The following AFF2 variants were observed in gnomAD, a reference collection of about 807,000 sequenced individuals.
AFF2 encodes the protein AF4/FMR2 family member 2.
Under a neutral mutation model 76.9 loss-of-function variants are expected in AFF2, and 14 were observed. The ratio of observed to expected loss-of-function variants is 0.18; its 90% CI spans 0.12 to 0.28. The LOEUF (loss-of-function observed/expected upper bound fraction) is 0.28. Ranked by LOEUF, AFF2 falls within the 10% of genes least tolerant of loss-of-function variation. The probability of loss-of-function intolerance (pLI) is 1.00; values close to 1 mark genes in which losing one functional copy is unlikely to be tolerated. For missense variants in AFF2, 868 were observed against 1,001.1 expected, an observed-to-expected ratio of 0.87 and a Z score of 1.79; for synonymous variants, 398 against 366.7, an observed-to-expected ratio of 1.09 and a Z score of -0.98.
chrX:148,784,843 A>G (rs1414891529), intron 3 of AFF2, among the ~76,000 whole-genome samples: 1 of 111,351 alleles, frequency 9.0e-6, no homozygotes, highest in Non-Finnish European at 1.9e-5. Flanking sequence ...GACTAATTAC[A>G]CATGCAGAAG....
In AFF2 at chrX:148,662,021, A is replaced by G. The variant is rs370409032; in HGVS notation, c.294A>G (p.Pro98=). 3.8e-4 allele frequency: 463 copies of G among 1,209,078 alleles called. 1 individual carries two copies. The highest frequency in any genetic ancestry group is 4.8e-4 in the Non-Finnish European group (428 of 894,351). Residue 98 remains proline (P), a synonymous_variant, in exon 3 of 21, where the codon CCA becomes CCG. Coordinates refer to ENST00000370460, the MANE Select transcript of AFF2 (RefSeq NM_002025.4). ...HSNQNHLVGI[P]KNSVPQNPNN... ...ATCAGAATCACCTAGTGGGAATTCC[A>G]AAGAATTCTGTGCCCCAGAATCCCA...
intron 16 of AFF2, among the ~76,000 whole-genome samples, chrX:148,976,431 A>G (rs902731798): frequency 9.0e-6 from 1 of 111,615 alleles, no homozygotes; most frequent in East Asian, 2.8e-4. Flanking sequence ...CTTTTTTTAT[A>G]CTTTCTGTAA....
In AFF2 at chrX:148,676,980, G is replaced by T. The variant is rs1225885619; in HGVS notation, c.1041+14212G>T. On this transcript the variant is annotated intron_variant, in intron 3 of 20. Coordinates refer to ENST00000370460, the MANE Select transcript of AFF2 (RefSeq NM_002025.4). ...ACAGGATGATTGGCAGGGGAGTTGG[G>T]GGAAGGGAGTAACATGTTAGGGCTG... 1.9e-4 allele frequency among the ~76,000 whole-genome samples: 21 copies of T among 110,980 alleles called. No homozygotes were observed. The Admixed American group carries it at 2.0e-3, about 11-fold the overall frequency.
chrX:148,573,535 G>T (rs1197725363), intron 1 of AFF2, among the ~76,000 whole-genome samples: 2 of 111,028 alleles, frequency 1.8e-5, no homozygotes, highest in African/African-American at 3.3e-5. Context: ...GAATCACATG[G>T]AAAGCACCTT....
intron 3 of AFF2, among the ~76,000 whole-genome samples, chrX:148,795,955 A>G (rs1210034528): frequency 1.1e-5 from 1 of 95,039 alleles, no homozygotes; most frequent in African/African-American, 3.8e-5. Context: ...CTCAGCCTAG[A>G]GCTTTTCAGG....
At chrX:148,774,143 A>C (rs782009285) in intron 3 of AFF2, among the ~76,000 whole-genome samples, 5 of 112,124 alleles carry the variant, frequency 4.5e-5, no homozygotes, top group Non-Finnish European at 9.4e-5. Context: ...ATTAGTTTAC[A>C]TGCCAACTTT....
intron 13 of AFF2, among the ~76,000 whole-genome samples, chrX:148,966,291 A>G (rs1292916331): frequency 9.0e-6 from 1 of 111,661 alleles, no homozygotes; most frequent in Non-Finnish European, 1.9e-5. Flanking sequence ...GCTGGACTGT[A>G]TCTGGTATTT....
intron 7 of AFF2, among the ~76,000 whole-genome samples, chrX:148,876,204 G>A (rs1557277861): frequency 1.8e-5 from 2 of 111,631 alleles, no homozygotes; most frequent in African/African-American, 6.5e-5. Flanking sequence ...ACGTGCTAGG[G>A]GTTTGAAGTG....
chrX:148,590,682 A>C (rs1557246514), intron 1 of AFF2, among the ~76,000 whole-genome samples: 2 of 112,084 alleles, frequency 1.8e-5, no homozygotes, highest in Non-Finnish European at 3.8e-5. Context: ...CCCAAGAATC[A>C]TGAGGATAAG....
In AFF2 at chrX:148,652,045, C is replaced by T. The variant is rs143135907; in HGVS notation, c.94C>T (p.Arg32Trp). Reference sequence around the variant, plus strand: ...TGCACTTAAAAAAAGGGAATGGGAGCGGAGGAATCAAGAAGTCCAGCAAGA... The same window carrying T: ...TGCACTTAAAAAAAGGGAATGGGAGTGGAGGAATCAAGAAGTCCAGCAAGA... ...RSALKKREWE[R>W]RNQEVQQEDD... The change falls in exon 2 of 21, where the codon CGG becomes TGG. Residue 32 changes from arginine (R) to tryptophan (W), a missense_variant. Around this residue, in one of 6 missense-constraint regions of AFF2, gnomAD observed 196 missense variants for 194.8 expected, o/e 1.01. Transcript: ENST00000370460. 200 of 1,201,606 alleles carry T rather than the reference C, an allele frequency of 1.7e-4. No individual in the cohort carries two copies. Among genetic ancestry groups the T allele is most frequent in the South Asian group, 6.8e-4 (38 of 56,217 alleles).
chrX:148,704,118 T>G (rs2054836395), intron 3 of AFF2, among the ~76,000 whole-genome samples: 1 of 101,072 alleles, frequency 9.9e-6, no homozygotes, highest in Admixed American at 1.2e-4. Flanking sequence ...ATATATATAT[T>G]TATATATGCC....
At chrX:148,878,203 G>T (rs1278323691) in intron 7 of AFF2, among the ~76,000 whole-genome samples, 1 of 111,939 alleles carries the variant, frequency 8.9e-6, no homozygotes, top group African/African-American at 3.2e-5. Context: ...TCAAAATGAA[G>T]AGACATTTGA....
At chrX:148,627,477 A>T (rs782331649) in intron 1 of AFF2, among the ~76,000 whole-genome samples, 174 of 111,854 alleles carry the variant, frequency 1.6e-3, no homozygotes, top group Non-Finnish European at 2.8e-3. Flanking sequence ...AATTTAGGAG[A>T]TGGGCATGGG....
At chrX:148,611,832 T>TA (rs1166895712) in intron 1 of AFF2, among the ~76,000 whole-genome samples, 1 of 111,803 alleles carries the variant, frequency 8.9e-6, no homozygotes, top group Non-Finnish European at 1.9e-5. Flanking sequence ...CTAAATCAGT[T>TA]AATTGTCTTT....
intron 1 of AFF2, among the ~76,000 whole-genome samples, chrX:148,579,300 G>C (rs1307654248): frequency 1.9e-4 from 21 of 111,863 alleles, no homozygotes. Context: ...CTCCGTATTT[G>C]TTACCAGATT....
intron 11 of AFF2, 120 bp from the exon 12 acceptor site, chrX:148,958,217 C>A: frequency 1.0e-6 from 1 of 983,169 alleles, no homozygotes; most frequent in Non-Finnish European, 1.4e-6. Context: ...ACTCACCTAC[C>A]TAATCTAGAA....
At chrX:148,692,743 G>A (rs782140107) in intron 3 of AFF2, among the ~76,000 whole-genome samples, 1 of 111,557 alleles carries the variant, frequency 9.0e-6, no homozygotes, top group East Asian at 2.8e-4. Flanking sequence ...ACAAAGGATG[G>A]TATCAATGAA....
chrX:148,873,979 A>T (rs1429617157), intron 7 of AFF2, among the ~76,000 whole-genome samples: 1 of 111,691 alleles, frequency 9.0e-6, no homozygotes. Context: ...TTCTCCACGT[A>T]TCTATATTTA....
intron 7 of AFF2, among the ~76,000 whole-genome samples, chrX:148,879,523 T>C (rs782070391): frequency 8.9e-6 from 1 of 111,967 alleles, no homozygotes; most frequent in Admixed American, 9.5e-5. Context: ...TTGAAAATCA[T>C]TGGCTTAAAG....
Sources: allele counts gnomAD v4.1 joint callset (sites outside exome capture counted in the v4.1 genomes callset), GRCh38; gene constraint gnomAD v4.1.1; regional missense constraint gnomAD v4.1.1; transcripts MANE v1.5; gene names NCBI Gene and HGNC (gene_info 2026-07-23, HGNC 2026-07-21).